Variants in EPHB1 observed in about 807,000 individuals in gnomAD.
EPHB1 encodes ephrin type-B receptor 1.
Under a neutral mutation model 94.4 loss-of-function variants are expected in EPHB1, and 30 were observed. That is an observed-to-expected ratio of 0.32 (90% confidence interval 0.24 to 0.43). EPHB1 has a LOEUF of 0.43. EPHB1 is among the 20% of genes least tolerant of loss of function. The probability of loss-of-function intolerance (pLI) is 1.00; values close to 1 mark genes in which losing one functional copy is unlikely to be tolerated. For synonymous variants in EPHB1, 522 were observed against 489.1 expected (o/e 1.07, Z -0.89); for missense variants, 1,055 against 1,308.3 (o/e 0.81, Z 2.99).
intron 1 of EPHB1, among the ~76,000 whole-genome samples, chr3:134,910,586 A>G (rs1462047516): frequency 1.3e-5 from 2 of 152,252 alleles, no homozygotes; most frequent in Non-Finnish European, 2.9e-5. Context: ...GTGATAACAG[A>G]GGACATAGCA....
At chr3:134,948,299 G>A (rs1331185972) in intron 2 of EPHB1, among the ~76,000 whole-genome samples, 2 of 101,948 alleles carry the variant, frequency 2.0e-5, no homozygotes, top group African/African-American at 1.1e-4. Context: ...TGGATCATGA[G>A]ACTGTTGTGT....
At chr3:135,023,478 T>C (rs1936045819) in intron 3 of EPHB1, among the ~76,000 whole-genome samples, 1 of 152,154 alleles carries the variant, frequency 6.6e-6, no homozygotes, top group African/African-American at 2.4e-5. Context: ...CTCCAGAAAT[T>C]GTTAAATATT....
At chr3:135,026,985 G>A (rs1328840124) in intron 3 of EPHB1, among the ~76,000 whole-genome samples, 1 of 106,566 alleles carries the variant, frequency 9.4e-6, no homozygotes, top group Non-Finnish European at 1.9e-5. Flanking sequence ...AATTGTGAAT[G>A]GGAGTTCACT....
intron 2 of EPHB1, among the ~76,000 whole-genome samples, chr3:134,941,798 C>CACACACAA (rs905075046): frequency 7.8e-5 from 11 of 140,638 alleles, no homozygotes; most frequent in African/African-American, 2.8e-4. Context: ...CACACACACA[C>CACACACAA]AATCAGCCAG....
intron 1 of EPHB1, among the ~76,000 whole-genome samples, chr3:134,869,140 G>A (rs1404718741): frequency 6.6e-6 from 1 of 152,218 alleles, no homozygotes; most frequent in Non-Finnish European, 1.5e-5. Flanking sequence ...TTTTGATGTG[G>A]AGGAAGAAGA....
intron 5 of EPHB1, among the ~76,000 whole-genome samples, chr3:135,146,468 C>T (rs952210182): frequency 6.6e-6 from 1 of 152,168 alleles, no homozygotes; most frequent in African/African-American, 2.4e-5. Flanking sequence ...ATGGGAGCAT[C>T]GGGGGCTCCT....
At chr3:135,197,102 GAA>G (rs55900203) in intron 11 of EPHB1, among the ~76,000 whole-genome samples, 1,881 of 120,616 alleles carry the variant, frequency 0.016, 39 homozygotes, top group African/African-American at 0.055. Flanking sequence ...CCAGAAAAAG[GAA>G]AAAAAAAAAA....
intron 3 of EPHB1, among the ~76,000 whole-genome samples, chr3:135,059,079 AT>A (rs1214372335): frequency 6.8e-4 from 103 of 152,364 alleles, no homozygotes; most frequent in Non-Finnish European, 1.5e-4. Flanking sequence ...ATCAGCAAAT[AT>A]TTCTCATGTG....
chr3:135,002,276 GC>G (rs1935212167), intron 3 of EPHB1, among the ~76,000 whole-genome samples: 2 of 152,178 alleles, frequency 1.3e-5, no homozygotes, highest in African/African-American at 2.4e-5. Flanking sequence ...TATTGAACCA[GC>G]CTTGCATCCC....
At position 134,795,384 on chromosome 3, in the gene EPHB1, G is replaced by A; in HGVS notation, c.-248G>A. The A allele has an allele frequency of 3.8e-6, 2 of 523,290 alleles. No individual in the cohort carries two copies. The highest frequency in any genetic ancestry group is 6.7e-6 in the Non-Finnish European group (2 of 300,130). 32.4% of individuals were successfully genotyped at this position (523,290 alleles called of 1,614,324 possible). On this transcript the variant is annotated 5_prime_UTR_variant, in exon 1 of 16. Transcript: ENST00000398015. ...CGCCCTCTCTCTCTCACACACGCACGCACACACCCACCTCTCCCATAAACA... is the reference window on the plus strand; with the variant it reads ...CGCCCTCTCTCTCTCACACACGCACACACACACCCACCTCTCCCATAAACA...
intron 3 of EPHB1, among the ~76,000 whole-genome samples, chr3:135,057,239 G>A (rs142878757): frequency 4.3e-4 from 65 of 152,192 alleles, no homozygotes; most frequent in Non-Finnish European, 4.6e-4. Context: ...AGGAGTCCCC[G>A]GATAATGAAG....
chr3:135,128,978 C>T (rs888806521), intron 4 of EPHB1, among the ~76,000 whole-genome samples: 1 of 152,106 alleles, frequency 6.6e-6, no homozygotes, highest in African/African-American at 2.4e-5. Context: ...CCTCTGAGTC[C>T]ATTCTCCAGG....
intron 3 of EPHB1, among the ~76,000 whole-genome samples, chr3:135,019,783 T>C (rs1359107781): frequency 6.6e-6 from 1 of 152,244 alleles, no homozygotes; most frequent in African/African-American, 2.4e-5. Flanking sequence ...CATCTCCTCC[T>C]TTTTGAGCAT....
At chr3:135,179,809 G>A (rs908144062) in intron 9 of EPHB1, 51 bp from the exon 10 acceptor site, 1 of 1,608,556 alleles carries the variant, frequency 6.2e-7, no homozygotes, top group Non-Finnish European at 8.5e-7. Flanking sequence ...AGTGCTGAAT[G>A]ACAACCATGT....
At chr3:135,143,920 GC>G (rs1352392301) in intron 5 of EPHB1, among the ~76,000 whole-genome samples, 1 of 152,218 alleles carries the variant, frequency 6.6e-6, no homozygotes. Flanking sequence ...GACCCAGGAG[GC>G]AGAAGTGCCA....
At chr3:134,916,342 G>A (rs989300114) in intron 1 of EPHB1, among the ~76,000 whole-genome samples, 9 of 152,346 alleles carry the variant, frequency 5.9e-5, no homozygotes, top group African/African-American at 1.2e-4. Flanking sequence ...TGCCAGTCCC[G>A]CGCTGTGTGC....
In EPHB1 at chr3:135,071,487, C is replaced by T. The variant is rs557716234; in HGVS notation, c.806-34961C>T. Among the ~76,000 whole-genome samples, 14 of 152,286 alleles carry T rather than the reference C, an allele frequency of 9.2e-5. No individual in the cohort carries two copies. The South Asian group carries it at 2.7e-3, about 29-fold the overall frequency. On this transcript the variant is annotated intron_variant, in intron 3 of 15. Transcript: ENST00000398015. ...GGATTTAGGTGGCTTCTTCTGAGAG[C>T]TCCTGAAGGCAAGCTGCAGTTATGT...
intron 1 of EPHB1, among the ~76,000 whole-genome samples, chr3:134,871,452 T>A (rs572941916): frequency 2.8e-4 from 43 of 152,204 alleles, no homozygotes; most frequent in Middle Eastern, 3.4e-3. Context: ...GCTCTGGAGC[T>A]CCCAGCGGCT....
rs147849348 is a variant in EPHB1, at chr3:134,961,016, G to A, written c.805+8964G>A. On this transcript the variant is annotated intron_variant, in intron 3 of 15. Transcript: ENST00000398015. Reference sequence around the variant, plus strand: ...TCTGATCATTTCTTTGCAGGCCTCAGCAGTTATGGCCTTCTCCTTCCTCAT... The same window carrying A: ...TCTGATCATTTCTTTGCAGGCCTCAACAGTTATGGCCTTCTCCTTCCTCAT... Among the ~76,000 whole-genome samples, 36 of 152,326 alleles carry A rather than the reference G, an allele frequency of 2.4e-4. No homozygotes were observed. In the East Asian group the frequency reaches 6.7e-3, roughly 29 times the overall value.
Sources: allele counts gnomAD v4.1 joint callset (sites outside exome capture counted in the v4.1 genomes callset), GRCh38; gene constraint gnomAD v4.1.1; transcripts MANE v1.5; gene names NCBI Gene and HGNC (gene_info 2026-07-23, HGNC 2026-07-21).